Variants in ADARB2 observed in about 807,000 individuals in gnomAD.
ADARB2 encodes the protein inactive double-stranded RNA-specific editase B2.
A neutral mutation model predicts 62.2 loss-of-function variants in ADARB2; 25 were observed. The observed-to-expected ratio is 0.40, with a 90% confidence interval of 0.29 to 0.56. The LOEUF (loss-of-function observed/expected upper bound fraction) is 0.56. Ranked by LOEUF, ADARB2 falls within the 20% of genes least tolerant of loss-of-function variation. The probability of loss-of-function intolerance (pLI) is 0.43; values close to 1 mark genes in which losing one functional copy is unlikely to be tolerated. For missense variants in ADARB2, 1,071 were observed against 1,077.4 expected (o/e 0.99, Z 0.08); for synonymous variants, 572 against 500.8 (o/e 1.14, Z -1.90).
At chr10:1,289,187 T>G (rs746851160) in intron 3 of ADARB2, among the ~76,000 whole-genome samples, 1 of 152,220 alleles carries the variant, frequency 6.6e-6, no homozygotes, top group Non-Finnish European at 1.5e-5. Context: ...CATAACTCTT[T>G]CAACCAATTG....
chr10:1,247,062 T>G (rs1282111967), intron 4 of ADARB2, among the ~76,000 whole-genome samples: 1 of 152,202 alleles, frequency 6.6e-6, no homozygotes. Flanking sequence ...CCTTGTAAGT[T>G]GGATTCCTAG....
chr10:1,638,732 T>C (rs1218151788), intron 1 of ADARB2, among the ~76,000 whole-genome samples: 1 of 152,116 alleles, frequency 6.6e-6, no homozygotes. Context: ...ATCTAATAAA[T>C]GGTGGTTCCC....
intron 1 of ADARB2, among the ~76,000 whole-genome samples, chr10:1,665,619 G>A (rs1834306513): frequency 6.6e-6 from 1 of 152,256 alleles, no homozygotes; most frequent in Non-Finnish European, 1.5e-5. Context: ...AGAAGCAATC[G>A]TCTACTGGGA....
intron 1 of ADARB2, among the ~76,000 whole-genome samples, chr10:1,532,569 C>T (rs1483280441): frequency 6.6e-6 from 1 of 152,146 alleles, no homozygotes; most frequent in Non-Finnish European, 1.5e-5. Flanking sequence ...TGGGAAGTGG[C>T]TCTCAGGGGT....
At chr10:1,560,706 C>T (rs1007704249) in intron 1 of ADARB2, among the ~76,000 whole-genome samples, 2 of 152,146 alleles carry the variant, frequency 1.3e-5, no homozygotes, top group Admixed American at 1.3e-4. Context: ...CACTCTCGCC[C>T]AGGCAGGCAA....
intron 1 of ADARB2, among the ~76,000 whole-genome samples, chr10:1,407,389 A>G (rs1226246998): frequency 1.3e-5 from 2 of 152,228 alleles, no homozygotes. Flanking sequence ...AAGAGGGTAC[A>G]ACGGCCGGGG....
At chr10:1,293,404 A>G (rs2455054) in intron 3 of ADARB2, among the ~76,000 whole-genome samples, 1 of 100,350 alleles carries the variant, frequency 1.0e-5, no homozygotes, top group African/African-American at 2.9e-5. Flanking sequence ...TTTACTCTTC[A>G]TGTGGTCTGT....
chr10:1,627,644 A>C (rs1245565333), intron 1 of ADARB2, among the ~76,000 whole-genome samples: 7 of 152,194 alleles, frequency 4.6e-5, no homozygotes, highest in Non-Finnish European at 1.0e-4. Flanking sequence ...TGTCATAAGA[A>C]ATGGAGATGC....
chr10:1,567,721 C>A (rs575381947), intron 1 of ADARB2, among the ~76,000 whole-genome samples: 2 of 152,330 alleles, frequency 1.3e-5, no homozygotes, highest in African/African-American at 4.8e-5. Context: ...GGCAGACCTT[C>A]TTTTATCCTC....
Position 1,640,403 on chromosome 10 carries a change from T to C in ADARB2, c.100+96648A>G, listed in dbSNP as rs140274861. 8.5e-4 allele frequency among the ~76,000 whole-genome samples: 129 copies of C among 152,288 alleles called. 1 individual carries two copies. The highest frequency in any genetic ancestry group is 3.0e-3 in the African/African-American group (125 of 41,554). Reference sequence around the variant, plus strand: ...GAAAGTGACAAATAAACAGAACTAATTCTACCTTTTTTAAAGCAGGTTAAA... The same window carrying C: ...GAAAGTGACAAATAAACAGAACTAACTCTACCTTTTTTAAAGCAGGTTAAA... On this transcript the variant is annotated intron_variant, in intron 1 of 9. Coordinates refer to ENST00000381312, the MANE Select transcript of ADARB2 (RefSeq NM_018702.4).
intron 1 of ADARB2, among the ~76,000 whole-genome samples, chr10:1,439,289 T>C (rs1428979926): frequency 2.4e-5 from 3 of 126,538 alleles, no homozygotes; most frequent in African/African-American, 1.0e-4. Flanking sequence ...TGGAGGCAGG[T>C]CCTTCACTAT....
intron 7 of ADARB2, chr10:1,200,408 A>G (rs1338068360): frequency 1.8e-6 from 1 of 542,974 alleles, no homozygotes; most frequent in African/African-American, 1.9e-5. Flanking sequence ...TTAGAGTGGA[A>G]ACTGTTATGT....
At chr10:1,193,986 CTTAG>C (rs1836875081) in intron 8 of ADARB2, among the ~76,000 whole-genome samples, 1 of 152,140 alleles carries the variant, frequency 6.6e-6, no homozygotes, top group Admixed American at 6.5e-5. Context: ...CTTGGAAATT[CTTAG>C]TTGTGATCTC....
At chr10:1,595,134 T>C (rs1833313680) in intron 1 of ADARB2, among the ~76,000 whole-genome samples, 1 of 152,228 alleles carries the variant, frequency 6.6e-6, no homozygotes, top group Admixed American at 6.5e-5. Flanking sequence ...AACGGTGCAC[T>C]TATAACATAG....
chr10:1,667,302 T>C (rs1332089146), intron 1 of ADARB2, among the ~76,000 whole-genome samples: 1 of 152,216 alleles, frequency 6.6e-6, no homozygotes, highest in African/African-American at 2.4e-5. Flanking sequence ...ATATGTTTTA[T>C]GAGGCCTATA....
At chr10:1,338,497 C>G (rs1189925965) in intron 3 of ADARB2, among the ~76,000 whole-genome samples, 1 of 152,180 alleles carries the variant, frequency 6.6e-6, no homozygotes, top group Non-Finnish European at 1.5e-5. Flanking sequence ...AATGCTGAAA[C>G]AAGAAAACCA....
intron 1 of ADARB2, among the ~76,000 whole-genome samples, chr10:1,637,399 G>C (rs1477043904): frequency 2.0e-5 from 3 of 152,092 alleles, no homozygotes; most frequent in Non-Finnish European, 2.9e-5. Context: ...CTTGATTACT[G>C]GTGGAAAATG....
At chr10:1,318,875 G>A (rs1432445005) in intron 3 of ADARB2, among the ~76,000 whole-genome samples, 2 of 152,232 alleles carry the variant, frequency 1.3e-5, no homozygotes, top group Non-Finnish European at 2.9e-5. Context: ...GGGTCTGCCA[G>A]CCTCCAGACA....
At chr10:1,323,675 A>G (rs1006980803) in intron 3 of ADARB2, among the ~76,000 whole-genome samples, 3 of 152,218 alleles carry the variant, frequency 2.0e-5, no homozygotes, top group Non-Finnish European at 4.4e-5. Flanking sequence ...TACAAAGGTA[A>G]TTCAGTGGAG....
Sources: allele counts gnomAD v4.1 joint callset (sites outside exome capture counted in the v4.1 genomes callset), GRCh38; gene constraint gnomAD v4.1.1; transcripts MANE v1.5; gene names NCBI Gene and HGNC (gene_info 2026-07-23, HGNC 2026-07-21).